GPBP1: variants seen among roughly 807,000 people sequenced by gnomAD.
GPBP1 encodes GC-rich promoter binding protein 1, also known as vasculin.
GPBP1 carries 13 observed loss-of-function variants against 56.5 expected under a neutral mutation model. That is an observed-to-expected ratio of 0.23 (90% CI 0.15 to 0.37). The LOEUF (loss-of-function observed/expected upper bound fraction) is 0.37, where lower values mean the gene tolerates loss of function less well. Among genes scored for constraint, GPBP1 ranks in the 10% least tolerant of loss-of-function variants. The pLI, the probability that GPBP1 is intolerant of heterozygous loss-of-function variation, is 1.00. For synonymous variants in GPBP1, 204 were observed against 188.9 expected (o/e 1.08, Z -0.66); for missense variants, 477 against 572.3 (o/e 0.83, Z 1.70).
intron 3 of GPBP1, among the ~76,000 whole-genome samples, chr5:57,222,814 A>T (rs1756009937): frequency 6.6e-6 from 1 of 152,064 alleles, no homozygotes; most frequent in Non-Finnish European, 1.5e-5. Context: ...TTACAGTTTT[A>T]TGGGGAGGGG....
rs141145142 is a variant in GPBP1, at chr5:57,262,202, C to T, written c.1264-392C>T. ...GTATTTTTTCTAGTATCTTCATCTC[C>T]GGTTAAACGAGACAATTTTGTAACT... On this transcript the variant is annotated intron_variant, in intron 11 of 11. Coordinates refer to ENST00000506184, the MANE Select transcript of GPBP1 (RefSeq NM_022913.4). 4.7e-3 allele frequency among the ~76,000 whole-genome samples: 709 copies of T among 152,232 alleles called. 9 individuals carry two copies. The highest frequency in any genetic ancestry group is 4.8e-3 in the Non-Finnish European group (328 of 68,014).
chr5:57,210,051 C>A (rs928337924), intron 2 of GPBP1, among the ~76,000 whole-genome samples: 3 of 152,102 alleles, frequency 2.0e-5, no homozygotes, highest in Non-Finnish European at 4.4e-5. Flanking sequence ...CTGATGAAAT[C>A]AATTTGAGTA....
chr5:57,230,217 C>A (rs868186659), intron 3 of GPBP1, among the ~76,000 whole-genome samples: 2 of 152,256 alleles, frequency 1.3e-5, no homozygotes, highest in Non-Finnish European at 1.5e-5. Context: ...CAGGTGTAAG[C>A]CACCGCGCCC....
intron 2 of GPBP1, among the ~76,000 whole-genome samples, chr5:57,211,664 A>G (rs906277004): frequency 3.3e-5 from 5 of 149,422 alleles, no homozygotes; most frequent in South Asian, 2.1e-4. Context: ...GCTCACTGCA[A>G]CCTCCGCCTC....
At chr5:57,210,328 GA>G (rs1475560204) in intron 2 of GPBP1, among the ~76,000 whole-genome samples, 2 of 152,110 alleles carry the variant, frequency 1.3e-5, no homozygotes, top group African/African-American at 4.8e-5. Flanking sequence ...GGGTGACAGA[GA>G]AAAAAATTAG....
chr5:57,261,131 C>A, intron 10 of GPBP1, 49 bp from the exon 11 acceptor site: 3 of 1,107,558 alleles, frequency 2.7e-6, no homozygotes, highest in South Asian at 1.2e-5. Context: ...ATGATACTGT[C>A]CTACTCAGGG....
chr5:57,214,873 G>A (rs1755639231), intron 3 of GPBP1, among the ~76,000 whole-genome samples: 1 of 152,130 alleles, frequency 6.6e-6, no homozygotes, highest in Admixed American at 6.5e-5. Context: ...TGTTGGCTAG[G>A]CTGGTCTCTA....
chr5:57,224,187 C>T (rs1756076425), intron 3 of GPBP1, among the ~76,000 whole-genome samples: 1 of 151,544 alleles, frequency 6.6e-6, no homozygotes, highest in South Asian at 2.1e-4. Flanking sequence ...CAGACTATGG[C>T]CCAGGCTGGA....
intron 6 of GPBP1, among the ~76,000 whole-genome samples, chr5:57,239,935 A>G (rs954835105): frequency 3.3e-5 from 5 of 151,748 alleles, no homozygotes; most frequent in South Asian, 2.1e-4. Flanking sequence ...TGTATGTACT[A>G]TTGTCTTAGT....
intron 5 of GPBP1, among the ~76,000 whole-genome samples, chr5:57,234,146 A>G (rs1756571482): frequency 6.6e-6 from 1 of 152,194 alleles, no homozygotes; most frequent in South Asian, 2.1e-4. Flanking sequence ...TAATCTCAGT[A>G]CAATGTTAGT....
At chr5:57,245,935 G>A (rs1430649907) in intron 6 of GPBP1, 1 of 158,588 alleles carries the variant, frequency 6.3e-6, no homozygotes, top group African/African-American at 2.4e-5. Context: ...AGGGAAAATA[G>A]AAATGTATTT....
In GPBP1 at chr5:57,259,364, G is replaced by C. The variant is rs147288116; in HGVS notation, c.1161-1816G>C. ...AAAAAGGTCTAAAAGTCTATAAGCAGCTATTGTGTAGCAGGTGCAAGTTAA... is the reference window on the plus strand; with the variant it reads ...AAAAAGGTCTAAAAGTCTATAAGCACCTATTGTGTAGCAGGTGCAAGTTAA... On this transcript the variant is annotated intron_variant, in intron 10 of 11. Coordinates refer to ENST00000506184, the MANE Select transcript of GPBP1 (RefSeq NM_022913.4). Among the ~76,000 whole-genome samples the C allele has an allele frequency of 4.7e-3, 715 of 152,290 alleles. 8 individuals are homozygous for C. Among genetic ancestry groups the C allele is most frequent in the African/African-American group, 0.016 (663 of 41,544 alleles).
intron 2 of GPBP1, among the ~76,000 whole-genome samples, chr5:57,207,825 G>T (rs1451619222): frequency 6.6e-6 from 1 of 152,128 alleles, no homozygotes; most frequent in Non-Finnish European, 1.5e-5. Flanking sequence ...CAAACTTCAT[G>T]CCCTTCTTTG....
At chr5:57,210,901 T>C (rs1028661178) in intron 2 of GPBP1, among the ~76,000 whole-genome samples, 1 of 152,208 alleles carries the variant, frequency 6.6e-6, no homozygotes, top group African/African-American at 2.4e-5. Context: ...CCACTCTAAT[T>C]GCCTCATTTG....
At chr5:57,196,609 A>C (rs1168931442) in intron 2 of GPBP1, among the ~76,000 whole-genome samples, 1 of 151,978 alleles carries the variant, frequency 6.6e-6, no homozygotes, top group African/African-American at 2.4e-5. Flanking sequence ...TTATTTTTGG[A>C]GACAAGGTCT....
At chr5:57,234,061 C>A (rs1202676032) in intron 5 of GPBP1, among the ~76,000 whole-genome samples, 1 of 151,966 alleles carries the variant, frequency 6.6e-6, no homozygotes, top group Non-Finnish European at 1.5e-5. Flanking sequence ...ATGTAACCAC[C>A]GCCAAAATCT....
At chr5:57,176,641 G>A (rs182398844) in intron 2 of GPBP1, among the ~76,000 whole-genome samples, 3 of 152,266 alleles carry the variant, frequency 2.0e-5, no homozygotes, top group East Asian at 1.9e-4. Flanking sequence ...AAGTTTTTGC[G>A]CTTTTTAAGT....
chr5:57,240,215 C>T (rs1740759944), intron 6 of GPBP1, among the ~76,000 whole-genome samples: 1 of 152,160 alleles, frequency 6.6e-6, no homozygotes, highest in Non-Finnish European at 1.5e-5. Context: ...TGTGCCGCTG[C>T]ACTCCAGCCT....
chr5:57,254,803 A>G (rs1332350355), intron 10 of GPBP1, among the ~76,000 whole-genome samples: 1 of 152,214 alleles, frequency 6.6e-6, no homozygotes, highest in Non-Finnish European at 1.5e-5. Flanking sequence ...TTAATTTATA[A>G]CTAACTTAAT....
Sources: allele counts gnomAD v4.1 joint callset (sites outside exome capture counted in the v4.1 genomes callset), GRCh38; gene constraint gnomAD v4.1.1; transcripts MANE v1.5; gene names NCBI Gene and HGNC (gene_info 2026-07-23, HGNC 2026-07-21).